MYCT1: variants seen among roughly 807,000 people sequenced by gnomAD.
The protein encoded by MYCT1 is myc target protein 1.
In MYCT1, 12 loss-of-function variants were observed where a neutral mutation model predicts 15.0. That is an observed-to-expected ratio of 0.80 (90% CI 0.51 to 1.29). The LOEUF is 1.29. Ranked by LOEUF, MYCT1 falls within the 50% of genes most tolerant of loss-of-function variation. The probability of loss-of-function intolerance (pLI) is 0.00; values close to 1 mark genes in which losing one functional copy is unlikely to be tolerated. For missense variants in MYCT1, 287 were observed against 279.1 expected (o/e 1.03, Z -0.20); for synonymous variants, 104 against 102.7 (o/e 1.01, Z -0.07).
chr6:152,702,998 C>G (rs1321519248), intron 1 of MYCT1, among the ~76,000 whole-genome samples: 1 of 152,206 alleles, frequency 6.6e-6, no homozygotes, highest in African/African-American at 2.4e-5. Flanking sequence ...CCTCAAACTT[C>G]TGCATCTAAA....
rs560791983 is a variant in MYCT1 at position 152,723,436 on chromosome 6, T to C, written c.*1183T>C. On this transcript the variant is annotated 3_prime_UTR_variant, in exon 2 of 2. Coordinates refer to ENST00000367245, the MANE Select transcript of MYCT1 (RefSeq NM_025107.3). ...CTAGCAACTTGGAAAGCACTTTCTC[T>C]GGGGATCTTCTTTTGTAACTTTGCA... 1.4e-4 allele frequency: 21 copies of C among 152,248 alleles called. No individual in the cohort carries two copies. The highest frequency in any genetic ancestry group is 2.9e-4 in the Non-Finnish European group (20 of 68,042). 9.4% of individuals were successfully genotyped at this position (152,248 alleles called of 1,614,324 possible). A position where few individuals can be genotyped will look rare whatever the true frequency, so the allele number is the denominator to read the frequency against.
intron 1 of MYCT1, among the ~76,000 whole-genome samples, chr6:152,720,739 T>G (rs938933624): frequency 6.6e-6 from 1 of 152,102 alleles, no homozygotes; most frequent in Non-Finnish European, 1.5e-5. Flanking sequence ...GACTTGTGGG[T>G]TAGATCATGG....
the MYCT1 span, among the ~76,000 whole-genome samples, chr6:152,739,620 C>T: frequency 6.6e-6 from 1 of 151,862 alleles, no homozygotes; most frequent in African/African-American, 2.4e-5. Context: ...CATGAATTTT[C>T]TATTCATATC....
chr6:152,706,038 G>T (rs2099722201), intron 1 of MYCT1: 9 of 1,094,326 alleles, frequency 8.2e-6, no homozygotes, highest in African/African-American at 1.7e-5. Flanking sequence ...AGCAGAAATT[G>T]TAGTCACAAA....
At position 152,698,092 on chromosome 6, in the gene MYCT1, T is replaced by A; in HGVS notation, c.190T>A (p.Phe64Ile). ...TTTAGGGAGTCCATGGCCAGAAAAC[T>A]TTTGGGGTAAGGTATTTTCTTTTAC... Reference protein sequence around the residue: ...TSLGSPWPENFWEDLIMSFTV... With the variant: ...TSLGSPWPENIWEDLIMSFTV... The change falls in exon 1 of 2, where the codon TTT becomes ATT. Residue 64 changes from phenylalanine to isoleucine, a missense_variant. Phe to Ile is a conservative substitution (Grantham distance 21). Transcript: ENST00000367245. 1.3e-6 allele frequency: 2 copies of A among 1,549,258 alleles called. No homozygotes were observed. Among genetic ancestry groups the A allele is most frequent in the Non-Finnish European group, 1.7e-6 (2 of 1,155,274 alleles).
At position 152,722,846 on chromosome 6, in the gene MYCT1, C is replaced by A; in HGVS notation, c.*593C>A. 1 of 287,154 alleles carries A rather than the reference C, an allele frequency of 3.5e-6. No individual in the cohort carries two copies. The highest frequency in any genetic ancestry group is 6.9e-6 in the Non-Finnish European group (1 of 145,770). The allele number at this position is 287,154 out of a possible 1,614,324, so 17.8% of individuals were successfully genotyped here. On this transcript the variant is annotated 3_prime_UTR_variant, in exon 2 of 2. Transcript: ENST00000367245. ...CTCTATCTCCCAGGCTCAAGTAATC[C>A]TCCCATCTTAGTGCCCCAAGTAGCT... is the stretch of plus-strand genomic sequence containing the variant.
chr6:152,730,249 A>G, the MYCT1 span, among the ~76,000 whole-genome samples: 1 of 152,186 alleles, frequency 6.6e-6, no homozygotes, highest in East Asian at 1.9e-4. Context: ...GTGCCATCTT[A>G]GAAGTTCCAA....
chr6:152,736,666 G>A, the MYCT1 span, among the ~76,000 whole-genome samples: 1 of 152,004 alleles, frequency 6.6e-6, no homozygotes, highest in African/African-American at 2.4e-5. Context: ...AAAAGAATAG[G>A]CTGCACATCC....
At chr6:152,742,364 A>T in the MYCT1 span, among the ~76,000 whole-genome samples, 1 of 152,162 alleles carries the variant, frequency 6.6e-6, no homozygotes, top group African/African-American at 2.4e-5. Context: ...AGCCAGAGAC[A>T]TGAGAGAATA....
chr6:152,726,119 G>A (rs958989920), downstream of MYCT1, among the ~76,000 whole-genome samples: 27 of 152,140 alleles, frequency 1.8e-4, no homozygotes, highest in African/African-American at 5.3e-4. Flanking sequence ...AGTGATGGCC[G>A]GGCGCGGTGG....
At chr6:152,725,187 A>C (rs945826757), downstream of MYCT1, among the ~76,000 whole-genome samples, 16 of 152,096 alleles carry the variant, frequency 1.1e-4, no homozygotes, top group African/African-American at 3.9e-4. Flanking sequence ...AAGCAAAAAC[A>C]AAAAAAGAAG....
At chr6:152,745,995 A>T in the MYCT1 span, among the ~76,000 whole-genome samples, 4 of 151,354 alleles carry the variant, frequency 2.6e-5, no homozygotes, top group Non-Finnish European at 2.9e-5. Flanking sequence ...CATCCCTTCC[A>T]CTCTACCATA....
At chr6:152,728,814 G>A (rs1359083897), downstream of MYCT1, among the ~76,000 whole-genome samples, 1 of 152,178 alleles carries the variant, frequency 6.6e-6, no homozygotes, top group African/African-American at 2.4e-5. Context: ...GTTGAGGTGA[G>A]GGCATAGCTT....
At position 152,708,880 on chromosome 6, in the gene MYCT1, C is replaced by T. The variant is rs1457901000; in HGVS notation, c.196+10782C>T. ...TTTTTATTTTTTTTTTTATTATACT[C>T]TAAGTTTTAGGGTACATGTGCACAT... On this transcript the variant is annotated intron_variant, in intron 1 of 1. Coordinates refer to ENST00000367245, the MANE Select transcript of MYCT1 (RefSeq NM_025107.3). Among the ~76,000 whole-genome samples the T allele has an allele frequency of 1.3e-4, 2 of 15,594 alleles. 1 individual carries two copies. The highest frequency in any genetic ancestry group is 4.3e-4 in the Non-Finnish European group (2 of 4,628). 10.2% of individuals were successfully genotyped at this position (15,594 alleles called of 152,430 possible).
intron 1 of MYCT1, among the ~76,000 whole-genome samples, chr6:152,703,862 T>C (rs2099721742): frequency 6.6e-6 from 1 of 152,132 alleles, no homozygotes; most frequent in Non-Finnish European, 1.5e-5. Flanking sequence ...TTTTTGCATA[T>C]AGTGTAGAAA....
At chr6:152,726,398 A>AAG (rs1165469849), downstream of MYCT1, among the ~76,000 whole-genome samples, 1 of 148,520 alleles carries the variant, frequency 6.7e-6, no homozygotes, top group Non-Finnish European at 1.5e-5. Context: ...ACTCTGTCTA[A>AAG]AAAAAAAAAA....
At chr6:152,721,441 T>C (rs1435205760) in intron 1 of MYCT1, among the ~76,000 whole-genome samples, 1 of 152,198 alleles carries the variant, frequency 6.6e-6, no homozygotes, top group Non-Finnish European at 1.5e-5. Context: ...CTAAATGCCA[T>C]AAATTAATGA....
downstream of MYCT1, among the ~76,000 whole-genome samples, chr6:152,726,642 T>A (rs989118932): frequency 3.9e-5 from 6 of 152,140 alleles, no homozygotes; most frequent in Admixed American, 1.3e-4. Flanking sequence ...AGTCCTTTTT[T>A]ATTTTTTTCG....
At chr6:152,718,566 G>T (rs2099724150) in intron 1 of MYCT1, among the ~76,000 whole-genome samples, 1 of 151,960 alleles carries the variant, frequency 6.6e-6, no homozygotes, top group Non-Finnish European at 1.5e-5. Context: ...TAATAGACAA[G>T]AAATTATTTT....
Sources: gnomAD v4.1 joint callset for allele counts (sites outside exome capture counted in the v4.1 genomes callset) on GRCh38, gnomAD v4.1.1 for gene constraint, MANE v1.5 for transcripts, NCBI Gene and HGNC (gene_info 2026-07-23, HGNC 2026-07-21) for gene names.